CTNNA3: variants seen among roughly 807,000 people sequenced by gnomAD.
The protein encoded by CTNNA3 is catenin alpha 3.
CTNNA3 carries 76 observed loss-of-function variants against 95.7 expected under a neutral mutation model. That is an observed-to-expected ratio of 0.79 (90% CI 0.66 to 0.96). The LOEUF (loss-of-function observed/expected upper bound fraction) is 0.96. Among genes scored for constraint, CTNNA3 ranks in the 40% least tolerant of loss-of-function variants. The pLI is 0.00. For synonymous variants in CTNNA3, 431 were observed against 374.4 expected, an observed-to-expected ratio of 1.15 and a Z score of -1.74; for missense variants, 1,191 against 1,089.8, an observed-to-expected ratio of 1.09 and a Z score of -1.31.
chr10:65,934,397 G>T (rs147149867), intron 17 of CTNNA3, among the ~76,000 whole-genome samples: 60 of 152,212 alleles, frequency 3.9e-4, no homozygotes, highest in African/African-American at 1.4e-3. Flanking sequence ...GGATATTCAT[G>T]CTGTGGGCAC....
At chr10:66,958,816 A>AG in intron 7 of CTNNA3, among the ~76,000 whole-genome samples, 1 of 152,174 alleles carries the variant, frequency 6.6e-6, no homozygotes, top group Non-Finnish European at 1.5e-5. Context: ...TCAAAGAAGA[A>AG]GGAAAGGAAT....
intron 1 of CTNNA3, among the ~76,000 whole-genome samples, chr10:67,712,263 C>T (rs2133611959): frequency 6.6e-6 from 1 of 152,282 alleles, no homozygotes; most frequent in Admixed American, 6.5e-5. Context: ...GGAAAATTTT[C>T]AGCCTGACAA....
At chr10:66,374,394 C>A (rs1401647291) in intron 12 of CTNNA3, among the ~76,000 whole-genome samples, 2 of 151,942 alleles carry the variant, frequency 1.3e-5, no homozygotes, top group East Asian at 1.9e-4. Flanking sequence ...TTTAAGAGGG[C>A]AGTAGAGAAG....
intron 11 of CTNNA3, among the ~76,000 whole-genome samples, chr10:66,468,119 C>T (rs1838993257): frequency 6.6e-6 from 1 of 151,880 alleles, no homozygotes; most frequent in Non-Finnish European, 1.5e-5. Flanking sequence ...TCAAGAAATT[C>T]TTATTTGTTG....
At chr10:67,137,840 G>C (rs905604937) in intron 7 of CTNNA3, among the ~76,000 whole-genome samples, 1 of 151,850 alleles carries the variant, frequency 6.6e-6, no homozygotes, top group African/African-American at 2.4e-5. Flanking sequence ...TATTAAAAAG[G>C]AGGGCTTGTA....
At chr10:66,579,676 A>G (rs185996264) in intron 10 of CTNNA3, among the ~76,000 whole-genome samples, 14 of 151,792 alleles carry the variant, frequency 9.2e-5, no homozygotes, top group African/African-American at 2.7e-4. Context: ...GCTGGTGTCA[A>G]ATTATTTTAT....
In CTNNA3 at chr10:65,988,674, C is replaced by A. The variant is rs1171398492; in HGVS notation, c.2265+18G>T. 6.3e-7 allele frequency: 1 copy of A among 1,589,086 alleles called. No individual in the cohort carries two copies. The highest frequency in any genetic ancestry group is 1.7e-5 in the Admixed American group (1 of 59,830). ...AATTAGCATGAACTTTTATGATGTC[C>A]ACTTGTAAGTAACTCACCTGATTAG... On this transcript the variant is annotated intron_variant, in intron 16 of 17. Coordinates refer to ENST00000433211, the MANE Select transcript of CTNNA3 (RefSeq NM_013266.4).
intron 10 of CTNNA3, among the ~76,000 whole-genome samples, chr10:66,621,053 T>C (rs1247024220): frequency 1.3e-5 from 2 of 152,288 alleles, no homozygotes; most frequent in East Asian, 3.9e-4. Context: ...TAAAAGTGTG[T>C]CACTCTTCAG....
chr10:67,186,179 C>T (rs1862839834), intron 6 of CTNNA3, among the ~76,000 whole-genome samples: 1 of 152,086 alleles, frequency 6.6e-6, no homozygotes, highest in African/African-American at 2.4e-5. Flanking sequence ...GTGAATATGT[C>T]TCCAGCATTG....
intron 17 of CTNNA3, among the ~76,000 whole-genome samples, chr10:65,941,997 C>A (rs1359903956): frequency 6.6e-6 from 1 of 152,066 alleles, no homozygotes; most frequent in Non-Finnish European, 1.5e-5. Flanking sequence ...CCCTCGTCAC[C>A]TGTTTTGGTT....
rs10687414 is a variant in CTNNA3, at chr10:66,020,668, A to ATTTTTTTT, written c.2160-31879_2160-31872dup. Among the ~76,000 whole-genome samples, 873 of 136,614 alleles carry ATTTTTTTT rather than the reference A, an allele frequency of 6.4e-3. 11 individuals carry two copies. The highest frequency in any genetic ancestry group is 0.023 in the African/African-American group (833 of 36,368). 89.6% of individuals were successfully genotyped at this position (136,614 alleles called of 152,430 possible). ...GCCTAAACACTTGCTGATGATCTGA[A>ATTTTTTTT]TTTTTTTTTTTTTTTTTGAGATGGA... is the stretch of plus-strand genomic sequence containing the variant. On this transcript the variant is annotated intron_variant, in intron 15 of 17. Transcript: ENST00000433211.
chr10:67,355,455 T>A lies in CTNNA3; in HGVS notation c.580-135585A>T, dbSNP rs528048378. ...ACAAAACAAAAAAGAAAGAAAAAAA[T>A]TCTTGCAAAGAATCATGGAATTTAT... On this transcript the variant is annotated intron_variant, in intron 5 of 17. Transcript: ENST00000433211. 2.8e-4 allele frequency among the ~76,000 whole-genome samples: 42 copies of A among 151,970 alleles called. 1 individual carries two copies. In the South Asian group the frequency reaches 8.5e-3, roughly 31 times the overall value.
At chr10:65,984,815 G>A (rs968664476) in intron 16 of CTNNA3, among the ~76,000 whole-genome samples, 11 of 151,198 alleles carry the variant, frequency 7.3e-5, no homozygotes, top group African/African-American at 2.7e-4. Flanking sequence ...TATGTGTCAT[G>A]TACTATGTTT....
chr10:66,612,596 T>G (rs1844365592), intron 10 of CTNNA3, among the ~76,000 whole-genome samples: 2 of 152,190 alleles, frequency 1.3e-5, no homozygotes, highest in South Asian at 4.2e-4. Context: ...TAGTGCTGAT[T>G]CTGAGCTTTC....
At chr10:67,255,242 C>A (rs574868838) in intron 5 of CTNNA3, among the ~76,000 whole-genome samples, 1 of 152,222 alleles carries the variant, frequency 6.6e-6, no homozygotes, top group Non-Finnish European at 1.5e-5. Flanking sequence ...TTGCAGTGAG[C>A]TGAGATAATG....
rs889640774 is a variant in CTNNA3 at position 66,532,118 on chromosome 10, C to T, written c.1375-11345G>A. 3.9e-5 allele frequency among the ~76,000 whole-genome samples: 6 copies of T among 152,126 alleles called. No homozygotes were observed. In the East Asian group the frequency reaches 1.2e-3, roughly 29 times the overall value. On this transcript the variant is annotated intron_variant, in intron 10 of 17. Transcript: ENST00000433211. ...ACATAAAGTCAAAATGTAAGCTATT[C>T]ATTAATTGCCAAAGTGTGTTTCATA... is the stretch of plus-strand genomic sequence containing the variant.
chr10:67,465,082 T>C (rs1847536293), intron 5 of CTNNA3, among the ~76,000 whole-genome samples: 1 of 146,798 alleles, frequency 6.8e-6, no homozygotes, highest in Non-Finnish European at 1.5e-5. Context: ...GGAAGCATTT[T>C]AGTTTCAAGC....
chr10:67,717,729 T>C (rs890135644), intron 1 of CTNNA3, among the ~76,000 whole-genome samples: 2 of 152,210 alleles, frequency 1.3e-5, no homozygotes, highest in Non-Finnish European at 2.9e-5. Flanking sequence ...AGCCTTGTAG[T>C]ATAGTTTGAA....
At chr10:66,481,535 G>C (rs1231179055) in intron 11 of CTNNA3, among the ~76,000 whole-genome samples, 7 of 110,806 alleles carry the variant, frequency 6.3e-5, no homozygotes, top group Non-Finnish European at 9.8e-5. Context: ...GCAGTGGCAC[G>C]ATCTCGGCTC....
Sources: allele counts gnomAD v4.1 joint callset (sites outside exome capture counted in the v4.1 genomes callset), GRCh38; gene constraint gnomAD v4.1.1; transcripts MANE v1.5; gene names NCBI Gene and HGNC (gene_info 2026-07-23, HGNC 2026-07-21).